Variants in LDLRAD4 observed in about 807,000 individuals in gnomAD.
LDLRAD4 encodes low density lipoprotein receptor class A domain containing 4, also known as low-density lipoprotein receptor class A domain-containing protein 4.
Under a neutral mutation model 17.0 loss-of-function variants are expected in LDLRAD4, and 5 were observed. That is an observed-to-expected ratio of 0.29 (90% CI 0.15 to 0.62). LDLRAD4 has a LOEUF of 0.62. LDLRAD4 is among the 20% of genes least tolerant of loss of function. The pLI, the probability that LDLRAD4 is intolerant of heterozygous loss-of-function variation, is 0.84. For missense variants in LDLRAD4, 340 were observed against 424.7 expected, an observed-to-expected ratio of 0.80 and a Z score of 1.75; for synonymous variants, 168 against 171.8, an observed-to-expected ratio of 0.98 and a Z score of 0.17.
intron 1 of LDLRAD4, among the ~76,000 whole-genome samples, chr18:13,350,004 G>A (rs1484178581): frequency 1.3e-5 from 2 of 152,132 alleles, no homozygotes; most frequent in Admixed American, 6.5e-5. Context: ...TGGTGTATAT[G>A]TACCACATTT....
intron 3 of LDLRAD4, among the ~76,000 whole-genome samples, chr18:13,545,540 T>G (rs928738906): frequency 6.6e-6 from 1 of 152,138 alleles, no homozygotes; most frequent in South Asian, 2.1e-4. Context: ...GATCCACTAA[T>G]GGCTTTCTCC....
rs539962881 is a variant in LDLRAD4, at chr18:13,621,090, G to A, written c.182-27G>A. On this transcript the variant is annotated intron_variant, in intron 3 of 5. Coordinates refer to ENST00000359446, the Ensembl canonical transcript of LDLRAD4. This position sits in a 1 kb window ranked among gnomAD's most constrained non-coding sequence, Gnocchi z 5.5. ...GGGTGGGGACTGGAGGGGCCAGGTG[G>A]CTAACCACTCTCCTCTTCCATGGCA... The A allele has an allele frequency of 6.2e-7, 1 of 1,614,112 alleles. No homozygotes were observed. The highest frequency in any genetic ancestry group is 1.7e-5 in the Admixed American group (1 of 60,028).
At chr18:13,593,594 C>T (rs2095055706) in intron 3 of LDLRAD4, among the ~76,000 whole-genome samples, 1 of 152,140 alleles carries the variant, frequency 6.6e-6, no homozygotes, top group Admixed American at 6.5e-5. Context: ...TCCATCCATC[C>T]ATCCATCCAT....
chr18:13,346,574 C>A (rs2082702970), intron 1 of LDLRAD4, among the ~76,000 whole-genome samples: 1 of 152,260 alleles, frequency 6.6e-6, no homozygotes, highest in South Asian at 2.1e-4. Context: ...GTGGAGAGTT[C>A]TGTAGATGTC....
At chr18:13,616,968 C>T (rs956186936) in intron 3 of LDLRAD4, among the ~76,000 whole-genome samples, 6 of 152,204 alleles carry the variant, frequency 3.9e-5, no homozygotes, top group Non-Finnish European at 7.3e-5. Context: ...GCACCTGCCA[C>T]GGCTGGGCAT....
chr18:13,626,808 T>C (rs1261763846), intron 4 of LDLRAD4, among the ~76,000 whole-genome samples: 1 of 152,200 alleles, frequency 6.6e-6, no homozygotes, highest in East Asian at 1.9e-4. Flanking sequence ...ACTTGGTGGC[T>C]GTCAGCCCTC....
chr18:13,495,897 C>T (rs535857019), intron 3 of LDLRAD4, among the ~76,000 whole-genome samples: 17 of 152,206 alleles, frequency 1.1e-4, no homozygotes, highest in African/African-American at 3.9e-4. Context: ...TCAGTCGGGT[C>T]GCCTCGGCCT....
intron 3 of LDLRAD4, among the ~76,000 whole-genome samples, chr18:13,505,408 C>T (rs779918185): frequency 3.9e-5 from 6 of 152,236 alleles, no homozygotes; most frequent in Non-Finnish European, 5.9e-5. Flanking sequence ...CTGCCCTGAC[C>T]TTTAAGCATA....
At chr18:13,330,637 G>A (rs1269482349) in intron 1 of LDLRAD4, among the ~76,000 whole-genome samples, 4 of 152,068 alleles carry the variant, frequency 2.6e-5, no homozygotes, top group Admixed American at 6.5e-5. Flanking sequence ...TTTGGTCTTC[G>A]ACCCCTTTTC....
intron 1 of LDLRAD4, among the ~76,000 whole-genome samples, chr18:13,380,440 C>A (rs2145074081): frequency 6.6e-6 from 1 of 152,320 alleles, no homozygotes; most frequent in East Asian, 1.9e-4. Context: ...GGCTTGCATT[C>A]CTCCCACACT....
rs1008256659 is a variant in LDLRAD4 at position 13,367,684 on chromosome 18, G to A, written c.-382-19657G>A. ...AGGAGTGTGCCGAGAGGGGACAGCC[G>A]GGCACGGGGGCACACGTTGTCAAGG... is the stretch of plus-strand genomic sequence containing the variant. On this transcript the variant is annotated intron_variant, in intron 1 of 5. Transcript: ENST00000359446. The surrounding 1 kb of genome is among the most constrained non-coding windows in gnomAD (Gnocchi z 4.1). Among the ~76,000 whole-genome samples, 2 of 152,038 alleles carry A rather than the reference G, an allele frequency of 1.3e-5. No homozygotes were observed. Among genetic ancestry groups the A allele is most frequent in the African/African-American group, 2.4e-5 (1 of 41,398 alleles).
At chr18:13,555,490 A>T (rs1327919664) in intron 3 of LDLRAD4, among the ~76,000 whole-genome samples, 1 of 152,204 alleles carries the variant, frequency 6.6e-6, no homozygotes, top group Non-Finnish European at 1.5e-5. Context: ...TAAAGAGCTT[A>T]TGTTCTCTTA....
At chr18:13,387,707 T>G in exon 2 of LDLRAD4, 3 of 1,613,690 alleles carry the variant, frequency 1.9e-6, no homozygotes, top group Non-Finnish European at 2.5e-6. Flanking sequence ...GAGCACAGGC[T>G]TGTCCGGGGA....
intron 1 of LDLRAD4, among the ~76,000 whole-genome samples, chr18:13,302,874 A>C (rs982173945): frequency 6.6e-6 from 1 of 152,196 alleles, no homozygotes; most frequent in African/African-American, 2.4e-5. Flanking sequence ...ACGTGCAGTT[A>C]TGTTACATGC....
At chr18:13,252,248 T>C (rs2043260397) in intron 1 of LDLRAD4, among the ~76,000 whole-genome samples, 1 of 152,116 alleles carries the variant, frequency 6.6e-6, no homozygotes, top group Non-Finnish European at 1.5e-5. Context: ...CCTCAGCCTC[T>C]GGATGGAGTA....
At chr18:13,509,463 G>T (rs9958760) in intron 3 of LDLRAD4, among the ~76,000 whole-genome samples, 57,251 of 152,084 alleles carry the variant, frequency 0.38, 11,837 homozygotes, top group Middle Eastern at 0.56. Context: ...GGAGCCTGAA[G>T]ATGTGACTGA....
Position 13,621,377 on chromosome 18 carries a change from C to A in LDLRAD4, c.336+106C>A. The A allele has an allele frequency of 2.5e-6, 2 of 804,344 alleles. No individual in the cohort carries two copies. The highest frequency in any genetic ancestry group is 1.6e-5 in the South Asian group (1 of 64,180). 49.8% of individuals were successfully genotyped at this position (804,344 alleles called of 1,614,324 possible). On this transcript the variant is annotated intron_variant, in intron 4 of 5. Transcript: ENST00000359446. The surrounding 1 kb of genome is among the most constrained non-coding windows in gnomAD (Gnocchi z 5.5). ...GTGCTTTCAGTTGACATGTAACAAA[C>A]GGGGCGAAGCGCACCTCGTAAGTGT...
chr18:13,578,322 T>A (rs915250389), intron 3 of LDLRAD4, among the ~76,000 whole-genome samples: 2 of 152,208 alleles, frequency 1.3e-5, no homozygotes, highest in African/African-American at 2.4e-5. Context: ...TAACTGTTAT[T>A]TATATTCCCC....
chr18:13,307,042 T>C (rs1172307463), intron 1 of LDLRAD4, among the ~76,000 whole-genome samples: 2 of 152,216 alleles, frequency 1.3e-5, no homozygotes, highest in East Asian at 3.8e-4. Context: ...GTTCCAGTTA[T>C]TCAGACTGCT....
Sources: gnomAD v4.1 joint callset for allele counts (sites outside exome capture counted in the v4.1 genomes callset) on GRCh38, gnomAD v4.1.1 for gene constraint, Gnocchi (gnomAD v3.1) non-coding constraint, MANE v1.5 for transcripts, NCBI Gene and HGNC (gene_info 2026-07-23, HGNC 2026-07-21) for gene names.